The following PCSK5 variants were observed in gnomAD, a reference collection of about 807,000 sequenced individuals.
PCSK5 encodes prohormone convertase 5.
A neutral mutation model predicts 233.2 loss-of-function variants in PCSK5; 129 were observed. The observed-to-expected ratio is 0.55, with a 90% CI of 0.48 to 0.64. The LOEUF (loss-of-function observed/expected upper bound fraction) is 0.64. PCSK5 is among the 30% of genes least tolerant of loss of function. PCSK5 has a pLI of 0.00. For missense variants in PCSK5, 2,076 were observed against 2,430.1 expected (o/e 0.85, Z 3.06); for synonymous variants, 825 against 879.2 (o/e 0.94, Z 1.09).
intron 3 of PCSK5, among the ~76,000 whole-genome samples, chr9:75,999,141 A>G (rs1010025747): frequency 1.3e-5 from 2 of 152,146 alleles, no homozygotes; most frequent in African/African-American, 4.8e-5. Flanking sequence ...TACATGTGCC[A>G]TGGTGGTTTG....
chr9:76,134,389 C>G (rs553033455), intron 10 of PCSK5, among the ~76,000 whole-genome samples, 177 bp downstream of exon 10: 26 of 152,050 alleles, frequency 1.7e-4, no homozygotes, highest in Middle Eastern at 6.8e-3. Flanking sequence ...TAAAACTACA[C>G]AGATAAGGGA....
chr9:76,164,154 A>G (rs920136623), intron 12 of PCSK5, among the ~76,000 whole-genome samples: 1 of 152,162 alleles, frequency 6.6e-6, no homozygotes, highest in Non-Finnish European at 1.5e-5. Context: ...ATGACAGACT[A>G]TTGACATTTG....
At chr9:76,217,612 T>C (rs1587770298) in intron 20 of PCSK5, among the ~76,000 whole-genome samples, 1 of 152,206 alleles carries the variant, frequency 6.6e-6, no homozygotes, top group Non-Finnish European at 1.5e-5. Context: ...GTTCCAGATA[T>C]AGGCACTTCA....
chr9:75,929,008 C>T (rs1041594967), intron 1 of PCSK5, among the ~76,000 whole-genome samples: 3 of 151,774 alleles, frequency 2.0e-5, no homozygotes, highest in South Asian at 2.1e-4. Flanking sequence ...CGATCTCGGC[C>T]CACTGCAACC....
At chr9:76,010,220 G>A (rs904430616) in intron 3 of PCSK5, among the ~76,000 whole-genome samples, 3 of 152,156 alleles carry the variant, frequency 2.0e-5, no homozygotes, top group Admixed American at 6.6e-5. Context: ...GTCTGGTTCC[G>A]TAATGATGTA....
chr9:76,151,008 T>TAA (rs10624054), intron 10 of PCSK5, among the ~76,000 whole-genome samples: 12,686 of 142,188 alleles, frequency 0.089, 834 homozygotes, highest in East Asian at 0.27. Flanking sequence ...CTTTTTACAT[T>TAA]AAAAAAAAAA....
intron 20 of PCSK5, among the ~76,000 whole-genome samples, chr9:76,221,600 A>G (rs1026866419): frequency 6.6e-6 from 1 of 152,250 alleles, no homozygotes; most frequent in African/African-American, 2.4e-5. Context: ...TGATTGCTAC[A>G]TCACTACTAC....
At chr9:76,050,260 A>G (rs556309575) in intron 5 of PCSK5, among the ~76,000 whole-genome samples, 9 of 152,298 alleles carry the variant, frequency 5.9e-5, no homozygotes, top group African/African-American at 2.2e-4. Flanking sequence ...AAGTTGAAAC[A>G]TGGTCTGTTT....
chr9:76,009,241 A>G (rs979766702), intron 3 of PCSK5, among the ~76,000 whole-genome samples: 8 of 152,006 alleles, frequency 5.3e-5, no homozygotes, highest in African/African-American at 1.9e-4. Context: ...TGAGGATAAC[A>G]AAAAAAAGGT....
At chr9:76,299,958 A>G (rs926369097) in intron 27 of PCSK5, among the ~76,000 whole-genome samples, 1 of 152,180 alleles carries the variant, frequency 6.6e-6, no homozygotes, top group Admixed American at 6.5e-5. Context: ...CTTACCTCAT[A>G]TTTCCATCAT....
intron 24 of PCSK5, among the ~76,000 whole-genome samples, chr9:76,247,310 T>C (rs1285046563): frequency 1.3e-5 from 2 of 152,084 alleles, no homozygotes; most frequent in Admixed American, 6.5e-5. Flanking sequence ...CAAGATTTAA[T>C]AGAGTGAAAT....
At position 76,358,549 on chromosome 9, in the gene PCSK5, C is replaced by T. The variant is rs1026694753; in HGVS notation, c.5291C>T (p.Ala1764Val). The change falls in exon 38 of 38, where the codon GCA becomes GTA. Residue 1764 changes from alanine to valine, a missense_variant. This residue lies in a region of PCSK5 where 1,510 missense variants were observed against 1,538.1 expected (regional missense o/e 0.98). Transcript: ENST00000674117. The stretch of plus-strand genomic sequence containing the variant: ...CTTCGAACAAGCAAGGTTAGGCCTG[C>T]AACTGAGCATTTCAAGACAGCTCTG... Reference protein sequence around the residue: ...CILRTSKVRPATEHFKTALFI... With the variant: ...CILRTSKVRPVTEHFKTALFI... 1.9e-6 allele frequency: 3 copies of T among 1,612,642 alleles called. No individual in the cohort carries two copies. Among genetic ancestry groups the T allele is most frequent in the Admixed American group, 1.7e-5 (1 of 60,000 alleles).
intron 8 of PCSK5, 119 bp downstream of exon 8, chr9:76,096,221 A>G (rs1205345227): frequency 1.4e-5 from 9 of 650,950 alleles, no homozygotes; most frequent in Non-Finnish European, 7.9e-6. Flanking sequence ...ACACAGAAGT[A>G]ATATATGGAA....
At chr9:76,343,347 G>A (rs1257036212) in intron 35 of PCSK5, among the ~76,000 whole-genome samples, 3 of 148,998 alleles carry the variant, frequency 2.0e-5, no homozygotes, top group African/African-American at 7.5e-5. Flanking sequence ...GTGTGTGTGT[G>A]TGTGTGTGTG....
At chr9:75,951,057 C>T (rs4745476) in intron 2 of PCSK5, among the ~76,000 whole-genome samples, 3,356 of 152,206 alleles carry the variant, frequency 0.022, 58 homozygotes, top group Non-Finnish European at 0.031. Context: ...AGTTTCCACC[C>T]GGTAGGCAGA....
chr9:75,917,163 C>T (rs1227054867), intron 1 of PCSK5, among the ~76,000 whole-genome samples: 7 of 122,110 alleles, frequency 5.7e-5, no homozygotes, highest in South Asian at 2.6e-4. Flanking sequence ...AGAGAGACTC[C>T]GTCTCAGAAA....
chr9:76,076,162 G>T (rs1034762630), intron 7 of PCSK5, among the ~76,000 whole-genome samples: 1 of 152,150 alleles, frequency 6.6e-6, no homozygotes, highest in South Asian at 2.1e-4. Flanking sequence ...AAAGAGCAAA[G>T]AACCCCAGGT....
chr9:76,221,876 G>C (rs1171483157), intron 20 of PCSK5, among the ~76,000 whole-genome samples: 1 of 152,170 alleles, frequency 6.6e-6, no homozygotes. Flanking sequence ...ATCAATGTCA[G>C]TGCCTGCCTG....
intron 28 of PCSK5, among the ~76,000 whole-genome samples, chr9:76,307,330 G>C (rs1828733229): frequency 6.6e-6 from 1 of 152,168 alleles, no homozygotes; most frequent in South Asian, 2.1e-4. Flanking sequence ...GAGGGAGGAG[G>C]TAATAAGGAA....
Sources: allele counts gnomAD v4.1 joint callset (sites outside exome capture counted in the v4.1 genomes callset), GRCh38; gene constraint gnomAD v4.1.1; regional missense constraint gnomAD v4.1.1; transcripts MANE v1.5; gene names NCBI Gene and HGNC (gene_info 2026-07-23, HGNC 2026-07-21).